PHAX: variants seen among roughly 807,000 people sequenced by gnomAD.
PHAX encodes phosphorylated adapter RNA export protein.
A neutral mutation model predicts 41.6 loss-of-function variants in PHAX; 31 were observed. That is an observed-to-expected ratio of 0.75 (90% CI 0.56 to 1.01). PHAX has a LOEUF of 1.01. Among genes scored for constraint, PHAX ranks in the 50% least tolerant of loss-of-function variants. The pLI, the probability that PHAX is intolerant of heterozygous loss-of-function variation, is 0.00. For missense variants in PHAX, 453 were observed against 472.9 expected (o/e 0.96, Z 0.39); for synonymous variants, 175 against 164.9 (o/e 1.06, Z -0.47).
intron 3 of PHAX, among the ~76,000 whole-genome samples, chr5:126,616,029 C>CA (rs1752178629): frequency 6.7e-6 from 1 of 148,506 alleles, no homozygotes; most frequent in African/African-American, 2.5e-5. Flanking sequence ...GGTGGCTACC[C>CA]AGTAGCTCAA....
At chr5:126,613,247 G>C (rs1369804598) in intron 3 of PHAX, among the ~76,000 whole-genome samples, 3 of 152,136 alleles carry the variant, frequency 2.0e-5, no homozygotes, top group Admixed American at 2.0e-4. Flanking sequence ...TGCTCGGGAG[G>C]CTGAGGCAGG....
chr5:126,619,205 G>A (rs1413939597), intron 4 of PHAX, among the ~76,000 whole-genome samples: 1 of 152,172 alleles, frequency 6.6e-6, no homozygotes, highest in African/African-American at 2.4e-5. Flanking sequence ...GGAATTACAG[G>A]TGTTAGCCAC....
At chr5:126,621,614 G>T (rs542903591) in intron 4 of PHAX, among the ~76,000 whole-genome samples, 40 of 152,242 alleles carry the variant, frequency 2.6e-4, no homozygotes, top group African/African-American at 9.4e-4. Flanking sequence ...ACTTGACTAA[G>T]TTTGTTTTCC....
In PHAX at chr5:126,608,417, AC is replaced by A; in HGVS notation, c.765del (p.Asn255LysfsTer8). 1 of 1,614,002 alleles carries A rather than the reference AC, an allele frequency of 6.2e-7. No individual in the cohort carries two copies. Among genetic ancestry groups the A allele is most frequent in the Non-Finnish European group, 8.5e-7 (1 of 1,179,870 alleles). ...GCCCGAGTAGTGAGGATTATTGGTAACAAAAAGGCAATTGAACTTCTGATGG... is the reference window on the plus strand; with the variant it reads ...GCCCGAGTAGTGAGGATTATTGGTAAAAAAAGGCAATTGAACTTCTGATGG... ...LIARVVRIIG[N>X]KKAIELLMET... is the part of the protein sequence containing the mutation. On this transcript the variant is annotated frameshift_variant, in exon 3 of 5. Transcript: ENST00000297540. LOFTEE classifies it high-confidence loss of function.
intron 3 of PHAX, among the ~76,000 whole-genome samples, chr5:126,615,671 T>C (rs991326151): frequency 2.0e-5 from 3 of 152,180 alleles, no homozygotes; most frequent in East Asian, 1.9e-4. Context: ...GCATGAGTTA[T>C]AGGCTGTTGG....
At chr5:126,604,273 C>CTTTTTTTT in intron 2 of PHAX, 90 bp downstream of exon 2, 4 of 791,606 alleles carry the variant, frequency 5.1e-6, no homozygotes, top group South Asian at 3.8e-5. Flanking sequence ...ATGATATGTT[C>CTTTTTTTT]CTTTTTTTTT....
intron 2 of PHAX, 32 bp from the exon 3 acceptor site, chr5:126,608,332 C>T: frequency 6.3e-7 from 1 of 1,598,904 alleles, no homozygotes; most frequent in Non-Finnish European, 8.5e-7. Flanking sequence ...GTACAACAAA[C>T]AAAGAGGATA....
chr5:126,610,280 G>A (rs1257652558), intron 3 of PHAX, among the ~76,000 whole-genome samples: 2 of 152,186 alleles, frequency 1.3e-5, no homozygotes, highest in African/African-American at 2.4e-5. Context: ...GAAGGGTTTG[G>A]CATATCTCAT....
At chr5:126,616,634 C>A (rs1273410497) in intron 3 of PHAX, among the ~76,000 whole-genome samples, 2 of 151,886 alleles carry the variant, frequency 1.3e-5, no homozygotes, top group Admixed American at 6.6e-5. Context: ...AATCCTAGCA[C>A]TTTGTGAGGC....
Position 126,625,229 on chromosome 5 carries a change from A to C in PHAX, c.*385A>C, listed in dbSNP as rs1752329652. The C allele has an allele frequency of 6.1e-6, 1 of 163,768 alleles. No individual in the cohort carries two copies. 10.1% of individuals were successfully genotyped at this position (163,768 alleles called of 1,614,324 possible). ...CGCTAAAATCATAATGGGACATATA[A>C]ATTATTAAGCTGTTAGAAATGCATT... On this transcript the variant is annotated 3_prime_UTR_variant, in exon 5 of 5. Transcript: ENST00000297540.
intron 3 of PHAX, among the ~76,000 whole-genome samples, chr5:126,615,330 C>T (rs1339109427): frequency 6.6e-6 from 1 of 152,002 alleles, no homozygotes; most frequent in East Asian, 1.9e-4. Context: ...CAAATCAATA[C>T]TAGTGGTGGT....
intron 1 of PHAX, among the ~76,000 whole-genome samples, chr5:126,602,238 C>A (rs984970703): frequency 3.3e-5 from 5 of 152,262 alleles, no homozygotes; most frequent in Non-Finnish European, 5.9e-5. Flanking sequence ...CGAGCCACCG[C>A]GCCCGGCCCA....
intron 1 of PHAX, among the ~76,000 whole-genome samples, chr5:126,601,322 C>T (rs1243212166): frequency 6.6e-6 from 1 of 151,792 alleles, no homozygotes; most frequent in Admixed American, 6.6e-5. Context: ...GAACTGGCTG[C>T]TCCCTGCGAG....
chr5:126,605,952 C>G (rs1332426450), intron 2 of PHAX, among the ~76,000 whole-genome samples: 1 of 152,076 alleles, frequency 6.6e-6, no homozygotes, highest in African/African-American at 2.4e-5. Context: ...ATAACCATCA[C>G]CTCTGAAACA....
intron 1 of PHAX, among the ~76,000 whole-genome samples, chr5:126,601,429 G>A (rs1003734696): frequency 1.3e-5 from 2 of 152,128 alleles, no homozygotes; most frequent in African/African-American, 4.8e-5. Flanking sequence ...TCTAAACTTG[G>A]GGCTTCCCCA....
chr5:126,622,539 C>T (rs1456630466), intron 4 of PHAX, among the ~76,000 whole-genome samples: 2 of 148,372 alleles, frequency 1.3e-5, no homozygotes, highest in African/African-American at 2.5e-5. Context: ...GTGATCTGAC[C>T]ACCTCGGCCT....
intron 4 of PHAX, among the ~76,000 whole-genome samples, chr5:126,618,374 C>T (rs1752220284): frequency 6.6e-6 from 1 of 151,706 alleles, no homozygotes; most frequent in Non-Finnish European, 1.5e-5. Context: ...TTGGTGCCAT[C>T]CCCCACCAAA....
At position 126,603,824 on chromosome 5, in the gene PHAX, A is replaced by G. The variant is rs913147435; in HGVS notation, c.351A>G (p.Ile117Met). The change falls in exon 2 of 5, where the codon ATA (isoleucine) becomes ATG (methionine). Residue 117 changes from isoleucine (I) to methionine (M), a missense_variant. Coordinates refer to ENST00000297540, the MANE Select transcript of PHAX (RefSeq NM_032177.4). ...PVAGGKKINN[I>M]WGAVLQEQNQ... is the part of the protein sequence containing the mutation. ...CTGGAGGAAAGAAGATTAACAACATATGGGGTGCTGTGCTGCAGGAACAGA... is the reference window on the plus strand; with the variant it reads ...CTGGAGGAAAGAAGATTAACAACATGTGGGGTGCTGTGCTGCAGGAACAGA... 4 of 1,614,172 alleles carry G rather than the reference A, an allele frequency of 2.5e-6. No individual in the cohort carries two copies. Among genetic ancestry groups the G allele is most frequent in the East Asian group, 2.2e-5 (1 of 44,892 alleles).
intron 2 of PHAX, among the ~76,000 whole-genome samples, chr5:126,606,619 C>G (rs553048852): frequency 6.6e-6 from 1 of 152,236 alleles, no homozygotes; most frequent in Non-Finnish European, 1.5e-5. Context: ...ACCTTCACAT[C>G]CAGATCTTTA....
Sources: gnomAD v4.1 joint callset for allele counts (sites outside exome capture counted in the v4.1 genomes callset) on GRCh38, gnomAD v4.1.1 for gene constraint, MANE v1.5 for transcripts, NCBI Gene and HGNC (gene_info 2026-07-23, HGNC 2026-07-21) for gene names.